The following TOM1L2 variants were observed in gnomAD, a reference collection of about 807,000 sequenced individuals.
TOM1L2 encodes target of myb1 like 2 membrane trafficking protein.
Under a neutral mutation model 67.9 loss-of-function variants are expected in TOM1L2, and 31 were observed. That is an observed-to-expected ratio of 0.46 (90% CI 0.34 to 0.62). The LOEUF is 0.62. TOM1L2 is among the 20% of genes least tolerant of loss of function. The pLI, the probability that TOM1L2 is intolerant of heterozygous loss-of-function variation, is 0.01. For synonymous variants in TOM1L2, 256 were observed against 254.0 expected, an observed-to-expected ratio of 1.01 and a Z score of -0.07; for missense variants, 606 against 663.5, an observed-to-expected ratio of 0.91 and a Z score of 0.95.
intron 14 of TOM1L2, among the ~76,000 whole-genome samples, chr17:17,848,298 C>T (rs59713490): frequency 0.043 from 6,583 of 152,064 alleles, 353 homozygotes; most frequent in African/African-American, 0.13. Flanking sequence ...TCTGGCAGAC[C>T]TGGGGAGAGG....
chr17:17,895,328 A>T (rs2038511108), intron 3 of TOM1L2, among the ~76,000 whole-genome samples: 1 of 152,120 alleles, frequency 6.6e-6, no homozygotes, highest in Non-Finnish European at 1.5e-5. Flanking sequence ...AATTATTCTC[A>T]TTTGCCCAAA....
chr17:17,945,284 ACACACACTCT>A (rs926362824), intron 1 of TOM1L2, among the ~76,000 whole-genome samples: 33 of 151,342 alleles, frequency 2.2e-4, no homozygotes, highest in African/African-American at 6.6e-4. Flanking sequence ...ACACACACAC[ACACACACTCT>A]CTCTCTCTCT....
At chr17:17,887,510 G>A (rs1598270405) in intron 4 of TOM1L2, among the ~76,000 whole-genome samples, 1 of 152,170 alleles carries the variant, frequency 6.6e-6, no homozygotes, top group East Asian at 1.9e-4. Flanking sequence ...GGTCAGAGCT[G>A]TCCCCCAGGC....
intron 12 of TOM1L2, chr17:17,857,999 C>T: frequency 1.5e-6 from 1 of 685,334 alleles, no homozygotes; most frequent in East Asian, 2.7e-5. Context: ...CCCAGCACGT[C>T]CCCCTTACCT....
intron 12 of TOM1L2, chr17:17,857,900 T>C: frequency 2.0e-6 from 3 of 1,486,884 alleles, no homozygotes; most frequent in South Asian, 1.2e-5. Flanking sequence ...AAGAAGTCAA[T>C]AGCACATATT....
At chr17:17,869,148 G>T in intron 8 of TOM1L2, 192 bp downstream of exon 8, 2 of 1,058,912 alleles carry the variant, frequency 1.9e-6, no homozygotes, top group Non-Finnish European at 2.6e-6. Context: ...TGCTGCTTCT[G>T]CTGCTCAGTT....
intron 1 of TOM1L2, among the ~76,000 whole-genome samples, chr17:17,911,117 G>A (rs999887550): frequency 6.6e-6 from 1 of 152,174 alleles, no homozygotes; most frequent in East Asian, 1.9e-4. Context: ...AGGGTGGGTG[G>A]GCAGAAAAAC....
intron 4 of TOM1L2, among the ~76,000 whole-genome samples, chr17:17,892,134 C>A (rs1023731764): frequency 6.6e-6 from 1 of 152,060 alleles, no homozygotes; most frequent in Admixed American, 6.5e-5. Flanking sequence ...TGGAGGCCTC[C>A]GAGGCACCTG....
At chr17:17,850,989 A>C (rs1307421383) in intron 12 of TOM1L2, 37 bp from the exon 13 acceptor site, 1 of 1,611,338 alleles carries the variant, frequency 6.2e-7, no homozygotes, top group African/African-American at 1.3e-5. Context: ...GGCAGCCCCC[A>C]CACAGCCAGC....
intron 1 of TOM1L2, among the ~76,000 whole-genome samples, chr17:17,932,566 C>T (rs2040375988): frequency 6.6e-6 from 1 of 152,148 alleles, no homozygotes; most frequent in African/African-American, 2.4e-5. Context: ...AGAAGTTCCC[C>T]TCAGAAGTAG....
intron 1 of TOM1L2, among the ~76,000 whole-genome samples, chr17:17,948,389 C>G (rs1390916438): frequency 1.3e-5 from 2 of 152,210 alleles, no homozygotes; most frequent in African/African-American, 4.8e-5. Context: ...TGGCTCACAC[C>G]TGTAATCACA....
intron 4 of TOM1L2, among the ~76,000 whole-genome samples, chr17:17,890,449 A>T: frequency 6.6e-6 from 1 of 152,232 alleles, no homozygotes; most frequent in East Asian, 1.9e-4. Context: ...TATGCTCAAG[A>T]AAAGTCAAGT....
chr17:17,922,850 A>G (rs58376085), intron 1 of TOM1L2, among the ~76,000 whole-genome samples: 163 of 152,254 alleles, frequency 1.1e-3, no homozygotes, highest in South Asian at 1.2e-3. Context: ...ACTGTCTCCA[A>G]TGCTTTTATT....
intron 8 of TOM1L2, chr17:17,869,018 G>T: frequency 3.8e-6 from 1 of 261,602 alleles, no homozygotes; most frequent in Admixed American, 4.7e-5. Flanking sequence ...CAGAAGCTCT[G>T]GGGCCCAGAG....
intron 14 of TOM1L2, among the ~76,000 whole-genome samples, 175 bp from the exon 15 acceptor site, chr17:17,847,958 G>C (rs1024147957): frequency 3.9e-5 from 6 of 152,154 alleles, no homozygotes; most frequent in Non-Finnish European, 7.4e-5. Flanking sequence ...TCCTGGCTGT[G>C]CCCAGTCCTC....
intron 13 of TOM1L2, among the ~76,000 whole-genome samples, chr17:17,849,838 C>T (rs763811929): frequency 1.4e-4 from 21 of 152,238 alleles, no homozygotes; most frequent in Non-Finnish European, 7.3e-5. Context: ...GAAGCAATTT[C>T]TTTTCGAGAC....
At chr17:17,902,943 AACTCACACAG>A (rs1294351595) in intron 2 of TOM1L2, among the ~76,000 whole-genome samples, 1 of 152,196 alleles carries the variant, frequency 6.6e-6, no homozygotes, top group African/African-American at 2.4e-5. Flanking sequence ...GAGATGAAGT[AACTCACACAG>A]GCTCGCACAA....
In TOM1L2 at chr17:17,845,882, GA is replaced by G. The variant is rs1180186311; in HGVS notation, c.*1752del. ...TGTGCTGCCAGAGAGGACAGGGCTAGAATCAGGCTGGCCACTCCACGGAGGA... is the reference window on the plus strand; with the variant it reads ...TGTGCTGCCAGAGAGGACAGGGCTAGATCAGGCTGGCCACTCCACGGAGGA... On this transcript the variant is annotated 3_prime_UTR_variant, in exon 15 of 15. Coordinates refer to ENST00000379504, the MANE Select transcript of TOM1L2 (RefSeq NM_001082968.2). The G allele has an allele frequency of 6.6e-6, 1 of 152,464 alleles. No homozygotes were observed. The highest frequency in any genetic ancestry group is 2.4e-5 in the African/African-American group (1 of 41,466). The allele number at this position is 152,464 out of a possible 1,614,324, so 9.4% of individuals were successfully genotyped here.
At chr17:17,955,060 G>T (rs1454902566) in intron 1 of TOM1L2, among the ~76,000 whole-genome samples, 1 of 152,192 alleles carries the variant, frequency 6.6e-6, no homozygotes, top group Non-Finnish European at 1.5e-5. Context: ...CACCTTGTCA[G>T]AAATGTGCCA....
Sources: gnomAD v4.1 joint callset for allele counts (sites outside exome capture counted in the v4.1 genomes callset) on GRCh38, gnomAD v4.1.1 for gene constraint, MANE v1.5 for transcripts, NCBI Gene and HGNC (gene_info 2026-07-23, HGNC 2026-07-21) for gene names.